DTWD2: variants seen among roughly 807,000 people sequenced by gnomAD.
DTWD2 encodes the protein DTW motif tRNA-uridine aminocarboxypropyltransferase 2, also known as tRNA-uridine aminocarboxypropyltransferase 2.
A neutral mutation model predicts 31.8 loss-of-function variants in DTWD2; 39 were observed. The observed-to-expected ratio is 1.22, with a 90% CI of 0.95 to 1.60. DTWD2 has a LOEUF of 1.60. DTWD2 is among the 40% of genes most tolerant of loss of function. The pLI is 0.00. For synonymous variants in DTWD2, 180 were observed against 142.8 expected (o/e 1.26, Z -1.86); for missense variants, 515 against 381.5 (o/e 1.35, Z -2.92).
At chr5:118,846,959 C>A (rs866750533) in intron 5 of DTWD2, among the ~76,000 whole-genome samples, 1 of 135,982 alleles carries the variant, frequency 7.4e-6, no homozygotes, top group East Asian at 2.0e-4. Context: ...CACACACACA[C>A]ACACACATAC....
intron 1 of DTWD2, among the ~76,000 whole-genome samples, chr5:118,972,553 C>T (rs992340358): frequency 2.0e-5 from 3 of 152,138 alleles, no homozygotes; most frequent in Non-Finnish European, 4.4e-5. Context: ...GGTACAAAGA[C>T]GAGCTGGTAC....
intron 4 of DTWD2, among the ~76,000 whole-genome samples, chr5:118,848,589 T>G (rs1751916102): frequency 6.6e-6 from 1 of 151,360 alleles, no homozygotes; most frequent in Admixed American, 6.6e-5. Flanking sequence ...CTCAACAGAG[T>G]AGCTAAAATA....
chr5:118,869,756 T>C (rs1255164031), intron 4 of DTWD2, among the ~76,000 whole-genome samples: 4 of 152,180 alleles, frequency 2.6e-5, no homozygotes, highest in Non-Finnish European at 2.9e-5. Context: ...ACAATTTAAA[T>C]ATAAATACTC....
intron 4 of DTWD2, among the ~76,000 whole-genome samples, chr5:118,852,516 A>C (rs533921637): frequency 1.3e-5 from 2 of 152,302 alleles, no homozygotes; most frequent in East Asian, 3.9e-4. Context: ...TCACAATGAG[A>C]TACCACCTCA....
intron 4 of DTWD2, among the ~76,000 whole-genome samples, chr5:118,919,299 T>C (rs1377459738): frequency 6.6e-6 from 1 of 152,234 alleles, no homozygotes; most frequent in African/African-American, 2.4e-5. Flanking sequence ...GTGCTCCTCC[T>C]TTCCTTCACA....
chr5:118,858,040 G>A (rs969190186), intron 4 of DTWD2, among the ~76,000 whole-genome samples: 2 of 152,108 alleles, frequency 1.3e-5, no homozygotes. Flanking sequence ...AAGATTAGCA[G>A]AACTGCCTAG....
chr5:118,937,041 G>A (rs1044937063), intron 3 of DTWD2, among the ~76,000 whole-genome samples: 1 of 151,836 alleles, frequency 6.6e-6, no homozygotes, highest in African/African-American at 2.4e-5. Flanking sequence ...AAAAATAAAT[G>A]GAAAATATGA....
At chr5:118,962,386 T>C (rs144767361) in intron 1 of DTWD2, among the ~76,000 whole-genome samples, 1 of 152,282 alleles carries the variant, frequency 6.6e-6, no homozygotes, top group African/African-American at 2.4e-5. Flanking sequence ...TTTTCATCAA[T>C]GCAACACCTA....
chr5:118,933,318 G>C lies in DTWD2; in HGVS notation c.405-4589C>G, dbSNP rs568610213. On this transcript the variant is annotated intron_variant, in intron 3 of 5. Transcript: ENST00000510708. ...GAACATTGCCTAATTCATTCTATAA[G>C]GCCAGCATTACCCTCATATCAAAAC... Among the ~76,000 whole-genome samples the C allele has an allele frequency of 2.0e-5, 3 of 152,150 alleles. No homozygotes were observed. The East Asian group carries it at 5.8e-4, about 29-fold the overall frequency.
At chr5:118,906,539 A>G (rs1354741563) in intron 4 of DTWD2, among the ~76,000 whole-genome samples, 2 of 152,222 alleles carry the variant, frequency 1.3e-5, no homozygotes, top group Non-Finnish European at 2.9e-5. Flanking sequence ...CTTCTGATAC[A>G]TACAACAAAA....
Position 118,901,120 on chromosome 5 carries a change from A to G in DTWD2, c.597+27417T>C, listed in dbSNP as rs1407499618. 5.3e-5 allele frequency among the ~76,000 whole-genome samples: 8 copies of G among 152,196 alleles called. No homozygotes were observed. The South Asian group carries it at 1.7e-3, about 32-fold the overall frequency. ...ATAATTACATTTATAATTACTTATC[A>G]TAAAGATTTTTAGAACTTCTAATGC... On this transcript the variant is annotated intron_variant, in intron 4 of 5. Coordinates refer to ENST00000510708, the MANE Select transcript of DTWD2 (RefSeq NM_173666.4).
intron 1 of DTWD2, among the ~76,000 whole-genome samples, chr5:118,972,397 A>G (rs1222388249): frequency 2.0e-5 from 3 of 152,296 alleles, no homozygotes; most frequent in Admixed American, 2.0e-4. Flanking sequence ...TCCTAGACAC[A>G]TACACCCTGC....
chr5:118,960,313 G>A (rs1172801175), intron 1 of DTWD2, among the ~76,000 whole-genome samples: 1 of 151,976 alleles, frequency 6.6e-6, no homozygotes, highest in Non-Finnish European at 1.5e-5. Flanking sequence ...CGGCAAAGAA[G>A]CATATGAAAA....
chr5:118,893,940 C>T (rs56406364), intron 4 of DTWD2, among the ~76,000 whole-genome samples: 2 of 151,524 alleles, frequency 1.3e-5, no homozygotes, highest in Non-Finnish European at 2.9e-5. Flanking sequence ...AAAGGAGCAC[C>T]GTTGGTTAAC....
intron 4 of DTWD2, among the ~76,000 whole-genome samples, chr5:118,910,156 A>T (rs1254195547): frequency 6.6e-6 from 1 of 152,190 alleles, no homozygotes; most frequent in Admixed American, 6.5e-5. Flanking sequence ...ACAATTTTCC[A>T]AATCTTTAAA....
At chr5:118,959,270 T>TA (rs1188681892) in intron 1 of DTWD2, among the ~76,000 whole-genome samples, 5 of 151,958 alleles carry the variant, frequency 3.3e-5, no homozygotes, top group African/African-American at 4.8e-5. Flanking sequence ...AAAATCAATG[T>TA]AAAAAAAATC....
Position 118,982,927 on chromosome 5 carries a change from G to A in DTWD2, c.218+5367C>T, listed in dbSNP as rs149211744. Among the ~76,000 whole-genome samples, 204 of 152,138 alleles carry A rather than the reference G, an allele frequency of 1.3e-3. 3 individuals carry two copies. The East Asian group carries it at 0.037, about 28-fold the overall frequency. Reference sequence around the variant, plus strand: ...TGGTCTCGATCTCCTCTGACCTTGTGATCCATCCGCCTCAGCCTCCCAAAG... The same window carrying A: ...TGGTCTCGATCTCCTCTGACCTTGTAATCCATCCGCCTCAGCCTCCCAAAG... On this transcript the variant is annotated intron_variant, in intron 1 of 5. Coordinates refer to ENST00000510708, the MANE Select transcript of DTWD2 (RefSeq NM_173666.4).
intron 3 of DTWD2, among the ~76,000 whole-genome samples, chr5:118,934,763 C>T (rs989833813): frequency 6.6e-6 from 1 of 152,016 alleles, no homozygotes; most frequent in African/African-American, 2.4e-5. Context: ...GAAATAAACT[C>T]CCCAATTAAA....
At chr5:118,920,855 T>C (rs1297539432) in intron 4 of DTWD2, among the ~76,000 whole-genome samples, 12 of 152,170 alleles carry the variant, frequency 7.9e-5, no homozygotes. Flanking sequence ...ATGACCTGTG[T>C]TAGTAAACTT....
Sources: gnomAD v4.1 joint callset for allele counts (sites outside exome capture counted in the v4.1 genomes callset) on GRCh38, gnomAD v4.1.1 for gene constraint, MANE v1.5 for transcripts, NCBI Gene and HGNC (gene_info 2026-07-23, HGNC 2026-07-21) for gene names.